Variants in TENM3 observed in about 807,000 individuals in gnomAD.
TENM3 encodes teneurin-3.
Under a neutral mutation model 255.1 loss-of-function variants are expected in TENM3, and 63 were observed. That is an observed-to-expected ratio of 0.25 (90% CI 0.20 to 0.30). The LOEUF is 0.30. Among genes scored for constraint, TENM3 ranks in the 10% least tolerant of loss-of-function variants. The pLI is 1.00. For synonymous variants in TENM3, 1,306 were observed against 1,322.3 expected (o/e 0.99, Z 0.27); for missense variants, 2,929 against 3,461.1 (o/e 0.85, Z 3.86).
chr4:181,585,234 CATT>C, the TENM3 span, among the ~76,000 whole-genome samples: 1 of 152,072 alleles, frequency 6.6e-6, no homozygotes, highest in South Asian at 2.1e-4. Flanking sequence ...TTTTAAAAAT[CATT>C]ATAATTTACA....
At chr4:182,308,563 C>T (rs1762264622) in intron 1 of TENM3, among the ~76,000 whole-genome samples, 1 of 152,136 alleles carries the variant, frequency 6.6e-6, no homozygotes, top group African/African-American at 2.4e-5. Flanking sequence ...TGGTCTTGAA[C>T]TCCTGGCCTC....
At chr4:182,012,962 T>TTCATGGTATTTTAGTCACCTC in the TENM3 span, 2 of 152,086 alleles carry the variant, frequency 1.3e-5, no homozygotes, top group Admixed American at 6.5e-5. Flanking sequence ...ACCTTGCACT[T>TTCATGGTATTTTAGTCACCTC]TCATGGTATT....
At chr4:181,640,991 G>A in the TENM3 span, among the ~76,000 whole-genome samples, 1 of 152,168 alleles carries the variant, frequency 6.6e-6, no homozygotes, top group Non-Finnish European at 1.5e-5. Flanking sequence ...AAAGACTAGT[G>A]CATGACAACA....
At chr4:182,764,828 A>G (rs1467379394) in intron 22 of TENM3, among the ~76,000 whole-genome samples, 2 of 152,204 alleles carry the variant, frequency 1.3e-5, no homozygotes, top group Admixed American at 6.5e-5. Context: ...AAGGAGTTTA[A>G]CAGGGACAGC....
chr4:181,728,251 C>T, the TENM3 span, among the ~76,000 whole-genome samples: 3 of 152,034 alleles, frequency 2.0e-5, no homozygotes, highest in Non-Finnish European at 2.9e-5. Context: ...GAAAGGGGTC[C>T]CTATCCAGAC....
chr4:182,019,977 GT>G, the TENM3 span, among the ~76,000 whole-genome samples: 2 of 152,066 alleles, frequency 1.3e-5, no homozygotes, highest in Admixed American at 1.3e-4. Context: ...GCCTAGCTGG[GT>G]TTTTCTACTT....
intron 4 of TENM3, among the ~76,000 whole-genome samples, chr4:182,613,335 G>C (rs1296840645): frequency 6.6e-6 from 1 of 152,070 alleles, no homozygotes; most frequent in Non-Finnish European, 1.5e-5. Context: ...GTGAAACAAA[G>C]ACTGTAAAGC....
chr4:181,692,821 AC>A, the TENM3 span, among the ~76,000 whole-genome samples: 1 of 152,138 alleles, frequency 6.6e-6, no homozygotes, highest in Non-Finnish European at 1.5e-5. Context: ...TTGCTTAATA[AC>A]ACTCTTAAAA....
chr4:181,992,855 A>G, the TENM3 span, among the ~76,000 whole-genome samples: 1 of 152,160 alleles, frequency 6.6e-6, no homozygotes. Context: ...CTTTATACCC[A>G]GAACTTCTTG....
At chr4:182,011,464 C>T in the TENM3 span, among the ~76,000 whole-genome samples, 3 of 152,208 alleles carry the variant, frequency 2.0e-5, no homozygotes, top group Admixed American at 6.5e-5. Flanking sequence ...TCCCCACATC[C>T]AATTTTGCTT....
chr4:181,681,420 A>G, the TENM3 span, among the ~76,000 whole-genome samples: 1 of 152,086 alleles, frequency 6.6e-6, no homozygotes. Flanking sequence ...GGCATTTATC[A>G]CTAAAATTGC....
At chr4:182,255,013 G>A (rs1467464816) in intron 1 of TENM3, among the ~76,000 whole-genome samples, 1 of 152,158 alleles carries the variant, frequency 6.6e-6, no homozygotes, top group Non-Finnish European at 1.5e-5. Flanking sequence ...AATTCAATCA[G>A]TACTCATTTA....
chr4:181,933,616 G>C, the TENM3 span, among the ~76,000 whole-genome samples: 1 of 152,156 alleles, frequency 6.6e-6, no homozygotes, highest in African/African-American at 2.4e-5. Flanking sequence ...TTCCATTAGT[G>C]GGTGTCACTG....
At chr4:182,707,773 A>G (rs570942590) in intron 12 of TENM3, 1 of 152,326 alleles carries the variant, frequency 6.6e-6, no homozygotes, top group Admixed American at 6.5e-5. Flanking sequence ...GTTATGTTCC[A>G]GGGATGGCTG....
chr4:182,287,136 G>T (rs1012236601), intron 1 of TENM3, among the ~76,000 whole-genome samples: 1 of 152,214 alleles, frequency 6.6e-6, no homozygotes, highest in Non-Finnish European at 1.5e-5. Flanking sequence ...GCTGAAGTGG[G>T]AGGATCACTT....
At chr4:182,610,206 ATAG>A (rs1748854782) in intron 4 of TENM3, among the ~76,000 whole-genome samples, 1 of 152,220 alleles carries the variant, frequency 6.6e-6, no homozygotes, top group South Asian at 2.1e-4. Flanking sequence ...ATTCTCTGAG[ATAG>A]TGGTGTCTTA....
At chr4:182,621,740 A>ATAT (rs1750246537) in intron 4 of TENM3, among the ~76,000 whole-genome samples, 1 of 35,816 alleles carries the variant, frequency 2.8e-5, no homozygotes, top group Non-Finnish European at 6.4e-5. Flanking sequence ...AATATATAAT[A>ATAT]TATAATATAT....
At chr4:182,763,957 T>TTTC (rs548386175) in intron 22 of TENM3, among the ~76,000 whole-genome samples, 3 of 152,192 alleles carry the variant, frequency 2.0e-5, no homozygotes, top group Non-Finnish European at 4.4e-5. Flanking sequence ...TTAATAAAGA[T>TTTC]TTCTAGTTTT....
chr4:182,520,540 T>A (rs547891827), intron 3 of TENM3, among the ~76,000 whole-genome samples: 1 of 152,204 alleles, frequency 6.6e-6, no homozygotes. Flanking sequence ...GTTTCACATA[T>A]TAGCTTTTTC....
Sources: allele counts gnomAD v4.1 joint callset (sites outside exome capture counted in the v4.1 genomes callset), GRCh38; gene constraint gnomAD v4.1.1; transcripts MANE v1.5; gene names NCBI Gene and HGNC (gene_info 2026-07-23, HGNC 2026-07-21).